ELFN2: variants seen among roughly 807,000 people sequenced by gnomAD.
ELFN2 encodes protein phosphatase 1 regulatory subunit 29.
Under a neutral mutation model 45.5 loss-of-function variants are expected in ELFN2, and 17 were observed. The ratio of observed to expected loss-of-function variants is 0.37; its 90% CI spans 0.26 to 0.56. ELFN2 has a LOEUF of 0.56. Among genes scored for constraint, ELFN2 ranks in the 20% least tolerant of loss-of-function variants. ELFN2 has a pLI of 0.77. For synonymous variants in ELFN2, 550 were observed against 551.5 expected, an observed-to-expected ratio of 1.00 and a Z score of 0.04; for missense variants, 922 against 1,183.2, an observed-to-expected ratio of 0.78 and a Z score of 3.24.
intron 2 of ELFN2, among the ~76,000 whole-genome samples, chr22:37,408,825 T>A (rs1348961452): frequency 6.6e-6 from 1 of 152,154 alleles, no homozygotes; most frequent in Non-Finnish European, 1.5e-5. Flanking sequence ...GGTGACAGTA[T>A]CTATTTTGCT....
At chr22:37,398,993 T>C (rs747270876) in intron 2 of ELFN2, among the ~76,000 whole-genome samples, 1 of 151,948 alleles carries the variant, frequency 6.6e-6, no homozygotes, top group African/African-American at 2.4e-5. Flanking sequence ...CCCAAACACA[T>C]ACATGCTCCC....
chr22:37,392,741 T>C (rs1276175872), intron 2 of ELFN2, among the ~76,000 whole-genome samples: 1 of 152,216 alleles, frequency 6.6e-6, no homozygotes, highest in Non-Finnish European at 1.5e-5. Flanking sequence ...ACTGTATATT[T>C]GCCCCCACAT....
At position 37,374,041 on chromosome 22, in the gene ELFN2, G is replaced by A; in HGVS notation, c.1494C>T (p.Thr498=). 1 of 1,613,216 alleles carries A rather than the reference G, an allele frequency of 6.2e-7. No homozygotes were observed. Among genetic ancestry groups the A allele is most frequent in the Non-Finnish European group, 8.5e-7 (1 of 1,180,014 alleles). ...TGCGCACCTCGATATAGTTGCCTTT[G>A]GTGGCTACCTTGGGTGTGTCCAGCC... ...EAGLDTPKVA[T]KGNYIEVRTG... is the part of the protein sequence containing the mutation. The change falls in exon 3 of 3, where the codon ACC becomes ACT. Residue 498 remains threonine, a synonymous_variant. Transcript: ENST00000402918.
chr22:37,408,199 G>A (rs559387944), intron 2 of ELFN2, among the ~76,000 whole-genome samples: 62 of 152,324 alleles, frequency 4.1e-4, no homozygotes, highest in Admixed American at 2.5e-3. Context: ...TCCTGGGCCC[G>A]GCTGCACAAT....
chr22:37,407,409 A>T (rs1932532292), intron 2 of ELFN2, among the ~76,000 whole-genome samples: 1 of 152,202 alleles, frequency 6.6e-6, no homozygotes, highest in African/African-American at 2.4e-5. Context: ...ATTCGTGAAC[A>T]AGACAGACAA....
chr22:37,407,902 A>AG (rs931980448), intron 2 of ELFN2, among the ~76,000 whole-genome samples: 3 of 152,022 alleles, frequency 2.0e-5, no homozygotes, highest in Admixed American at 1.3e-4. Context: ...CTCAAAAAAA[A>AG]AAAGAAAGCG....
At chr22:37,423,790 C>T (rs1283784920) in intron 1 of ELFN2, among the ~76,000 whole-genome samples, 2 of 152,250 alleles carry the variant, frequency 1.3e-5, no homozygotes, top group Non-Finnish European at 2.9e-5. Flanking sequence ...CTCTTGAGTC[C>T]TCAGGGCTTC....
At chr22:37,363,670 C>G (rs984896843), downstream of ELFN2, among the ~76,000 whole-genome samples, 1 of 152,106 alleles carries the variant, frequency 6.6e-6, no homozygotes, top group South Asian at 2.1e-4. Flanking sequence ...AGAGGCAGCC[C>G]GGGCCTCAAC....
chr22:37,354,037 A>G (rs1355015257), intron 1 of ELFN2: 1 of 152,274 alleles, frequency 6.6e-6, no homozygotes, highest in Non-Finnish European at 1.5e-5. Flanking sequence ...TTGAATGCAT[A>G]AATCCATTGT....
chr22:37,383,194 A>G (rs1931836669), intron 2 of ELFN2, among the ~76,000 whole-genome samples: 1 of 152,168 alleles, frequency 6.6e-6, no homozygotes, highest in Non-Finnish European at 1.5e-5. Context: ...GAGCAGGATC[A>G]GCTCCAGAAG....
chr22:37,350,595 C>T (rs775270518), intron 1 of ELFN2, among the ~76,000 whole-genome samples: 2 of 150,794 alleles, frequency 1.3e-5, no homozygotes, highest in Admixed American at 6.6e-5. Context: ...TTCCCCTCCC[C>T]GGGCCTGGTC....
intron 1 of ELFN2, among the ~76,000 whole-genome samples, chr22:37,362,374 C>T (rs739191): frequency 0.33 from 49,900 of 152,098 alleles, 8,494 homozygotes; most frequent in South Asian, 0.51. Context: ...AGGCTCTCCC[C>T]GTTTCCAACC....
intron 2 of ELFN2, among the ~76,000 whole-genome samples, chr22:37,342,238 A>G (rs2145605585): frequency 6.6e-6 from 1 of 151,752 alleles, no homozygotes; most frequent in Middle Eastern, 3.4e-3. Context: ...CTGCTCAAAA[A>G]CCTTCCATGG....
chr22:37,423,287 C>T (rs1194119690), intron 1 of ELFN2, among the ~76,000 whole-genome samples: 2 of 152,196 alleles, frequency 1.3e-5, no homozygotes, highest in African/African-American at 2.4e-5. Context: ...CCTGTCTCTC[C>T]TTGCAGCCAA....
chr22:37,416,581 G>A lies in ELFN2; in HGVS notation c.-463+1188C>T, dbSNP rs998078999. 6.6e-5 allele frequency among the ~76,000 whole-genome samples: 10 copies of A among 152,312 alleles called. No homozygotes were observed. In the East Asian group the frequency reaches 1.9e-3, roughly 29 times the overall value. ...CAGAGGTGGGAAGATCATGACCACA[G>A]AAGTGGGAGGGAAGGGCTGGGTGGA... On this transcript the variant is annotated intron_variant, in intron 2 of 2. Transcript: ENST00000402918.
At chr22:37,344,756 C>T (rs1413826572) in intron 1 of ELFN2, among the ~76,000 whole-genome samples, 1 of 152,192 alleles carries the variant, frequency 6.6e-6, no homozygotes, top group Admixed American at 6.5e-5. Context: ...CTGCAAACTC[C>T]TTCTCCTGTC....
chr22:37,400,411 G>A (rs914625417), intron 2 of ELFN2, among the ~76,000 whole-genome samples: 3 of 152,240 alleles, frequency 2.0e-5, no homozygotes, highest in South Asian at 4.1e-4. Context: ...CCACCTGGAG[G>A]GCCAGGGCTG....
intron 2 of ELFN2, among the ~76,000 whole-genome samples, chr22:37,391,928 G>A (rs1024818286): frequency 1.3e-5 from 2 of 152,224 alleles, no homozygotes; most frequent in Non-Finnish European, 2.9e-5. Context: ...GTGGCTGGGT[G>A]ACATGGGCAG....
intron 2 of ELFN2, among the ~76,000 whole-genome samples, chr22:37,405,833 A>AGG: frequency 2.4e-5 from 3 of 125,676 alleles, no homozygotes; most frequent in East Asian, 2.0e-4. Flanking sequence ...AAAAAAAAAA[A>AGG]GGGTGGAGGG....
Sources: gnomAD v4.1 joint callset for allele counts (sites outside exome capture counted in the v4.1 genomes callset) on GRCh38, gnomAD v4.1.1 for gene constraint, MANE v1.5 for transcripts, NCBI Gene and HGNC (gene_info 2026-07-23, HGNC 2026-07-21) for gene names.